PRICKLE2: variants seen among roughly 807,000 people sequenced by gnomAD.
PRICKLE2 encodes the protein prickle-like protein 2.
A neutral mutation model predicts 81.4 loss-of-function variants in PRICKLE2; 21 were observed. The ratio of observed to expected loss-of-function variants is 0.26; its 90% CI spans 0.18 to 0.37. PRICKLE2 has a LOEUF of 0.37. Among genes scored for constraint, PRICKLE2 ranks in the 10% least tolerant of loss-of-function variants. The pLI is 1.00. For missense variants in PRICKLE2, 940 were observed against 1,109.0 expected, an observed-to-expected ratio of 0.85 and a Z score of 2.16; for synonymous variants, 456 against 421.5, an observed-to-expected ratio of 1.08 and a Z score of -1.00.
At chr3:64,171,074 T>G (rs923528885) in intron 2 of PRICKLE2, among the ~76,000 whole-genome samples, 1 of 152,180 alleles carries the variant, frequency 6.6e-6, no homozygotes, top group Non-Finnish European at 1.5e-5. Context: ...AATGACCTCC[T>G]TGCTGTTCCT....
In PRICKLE2 at chr3:64,152,745, G is replaced by A. The variant is rs138404201; in HGVS notation, c.787+437C>T. 1.4e-4 allele frequency among the ~76,000 whole-genome samples: 22 copies of A among 152,250 alleles called. No homozygotes were observed. The East Asian group carries it at 4.3e-3, about 29-fold the overall frequency. On this transcript the variant is annotated intron_variant, in intron 6 of 7. Transcript: ENST00000638394. ...TGAGCCTCGGTTGTGGGACTGTATG[G>A]CACATAGTCCCCACTTGGAGGTGGG...
At chr3:64,182,362 C>T (rs750757174) in intron 2 of PRICKLE2, among the ~76,000 whole-genome samples, 12 of 151,934 alleles carry the variant, frequency 7.9e-5, no homozygotes, top group Non-Finnish European at 1.6e-4. Flanking sequence ...TTGTGCGCAT[C>T]TACAGTCCCA....
intron 2 of PRICKLE2, among the ~76,000 whole-genome samples, chr3:64,190,554 T>A (rs912912789): frequency 6.6e-6 from 1 of 152,236 alleles, no homozygotes; most frequent in Non-Finnish European, 1.5e-5. Context: ...ATAGTAGGTA[T>A]AAAATAAATA....
chr3:64,258,845 A>AGAAAG (rs1553663503), intron 2 of PRICKLE2, among the ~76,000 whole-genome samples: 35 of 33,982 alleles, frequency 1.0e-3, no homozygotes, highest in African/African-American at 3.0e-3. Context: ...AAAAAAAAAA[A>AGAAAG]AAAGAAAGAA....
intron 3 of PRICKLE2, among the ~76,000 whole-genome samples, chr3:64,161,656 C>T (rs1008022840): frequency 6.9e-5 from 10 of 145,638 alleles, no homozygotes; most frequent in African/African-American, 2.6e-4. Flanking sequence ...ACCATAAACA[C>T]AACAAACCAC....
chr3:64,152,951 G>A (rs1014021970), intron 6 of PRICKLE2, among the ~76,000 whole-genome samples: 1 of 152,166 alleles, frequency 6.6e-6, no homozygotes, highest in Non-Finnish European at 1.5e-5. Context: ...GGCAAATTAA[G>A]CTGAGATACA....
In PRICKLE2 at chr3:64,148,204, T is replaced by C. The variant is rs114196721; in HGVS notation, c.788-502A>G. ...ACCCAGGAAGTCTTATTCTCAACCATGACATTGACACTATCTCCTTCACTC... is the reference window on the plus strand; with the variant it reads ...ACCCAGGAAGTCTTATTCTCAACCACGACATTGACACTATCTCCTTCACTC... On this transcript the variant is annotated intron_variant, in intron 6 of 7. Coordinates refer to ENST00000638394, the MANE Select transcript of PRICKLE2 (RefSeq NM_198859.4). 3.8e-3 allele frequency among the ~76,000 whole-genome samples: 575 copies of C among 152,294 alleles called. 2 individuals carry two copies. Among genetic ancestry groups the C allele is most frequent in the African/African-American group, 0.013 (550 of 41,566 alleles).
At chr3:64,180,357 A>G (rs1025903798) in intron 2 of PRICKLE2, among the ~76,000 whole-genome samples, 8 of 152,234 alleles carry the variant, frequency 5.3e-5, no homozygotes, top group Admixed American at 4.6e-4. Flanking sequence ...ACCACTTTTC[A>G]GCAGCATTAA....
intron 7 of PRICKLE2, among the ~76,000 whole-genome samples, chr3:64,104,977 G>A (rs58501490): frequency 0.024 from 3,595 of 152,184 alleles, 140 homozygotes; most frequent in African/African-American, 0.081. Flanking sequence ...GAATCCTTAC[G>A]CAGACCTTAA....
chr3:64,110,418 C>T (rs1166888381), intron 7 of PRICKLE2, among the ~76,000 whole-genome samples: 1 of 152,176 alleles, frequency 6.6e-6, no homozygotes, highest in African/African-American at 2.4e-5. Flanking sequence ...GGGAGCACAA[C>T]TGTGAACAAG....
chr3:64,110,562 A>G (rs2076826916), intron 7 of PRICKLE2, among the ~76,000 whole-genome samples: 1 of 152,212 alleles, frequency 6.6e-6, no homozygotes, highest in South Asian at 2.1e-4. Context: ...GGCAGAGAAT[A>G]AAGACTGGAC....
chr3:64,150,228 G>C (rs1251024573), intron 6 of PRICKLE2, among the ~76,000 whole-genome samples: 1 of 152,026 alleles, frequency 6.6e-6, no homozygotes, highest in Non-Finnish European at 1.5e-5. Context: ...CACAGCAGCT[G>C]GTTGTAAAGA....
At chr3:64,132,510 G>A (rs1243205897) in intron 7 of PRICKLE2, among the ~76,000 whole-genome samples, 3 of 152,112 alleles carry the variant, frequency 2.0e-5, no homozygotes, top group African/African-American at 7.2e-5. Flanking sequence ...TTCCTGCTGG[G>A]GCCTGACCCA....
rs557531554 is a variant in PRICKLE2, at chr3:64,162,838, T to C, written c.258+178A>G. On this transcript the variant is annotated intron_variant, in intron 3 of 7. Transcript: ENST00000638394. ...TAATGAGATTCTGCTTTTTTAGTAA[T>C]ACTCTCTAGAAGTAAATTGTTGGCC... Among the ~76,000 whole-genome samples the C allele has an allele frequency of 2.6e-5, 4 of 152,352 alleles. No individual in the cohort carries two copies. In the South Asian group the frequency reaches 8.3e-4, roughly 32 times the overall value.
At chr3:64,207,932 CAGG>C (rs138687805) in intron 1 of PRICKLE2, among the ~76,000 whole-genome samples, 6,789 of 152,274 alleles carry the variant, frequency 0.045, 205 homozygotes, top group Non-Finnish European at 0.063. Context: ...AAGGCTGACG[CAGG>C]AGGAGCTGGG....
At chr3:64,124,518 A>T (rs1311570756) in intron 7 of PRICKLE2, among the ~76,000 whole-genome samples, 1 of 152,200 alleles carries the variant, frequency 6.6e-6, no homozygotes, top group East Asian at 1.9e-4. Flanking sequence ...CCTGACCTCA[A>T]AGCTTCAAAG....
Position 64,093,253 on chromosome 3 carries a change from G to C in PRICKLE2, c.*5798C>G, listed in dbSNP as rs1029653078. The C allele has an allele frequency of 6.6e-6, 1 of 152,560 alleles. No homozygotes were observed. The highest frequency in any genetic ancestry group is 2.1e-4 in the South Asian group (1 of 4,838). 9.5% of individuals were successfully genotyped at this position (152,560 alleles called of 1,614,324 possible). On this transcript the variant is annotated 3_prime_UTR_variant, in exon 8 of 8. Coordinates refer to ENST00000638394, the MANE Select transcript of PRICKLE2 (RefSeq NM_198859.4). ...CCATTGTATGTATACACCACACCTT[G>C]TTTACACATTCATCCATCAGTGGAC...
chr3:64,193,402 G>A (rs566719326), intron 2 of PRICKLE2, among the ~76,000 whole-genome samples: 67 of 152,172 alleles, frequency 4.4e-4, no homozygotes, highest in Non-Finnish European at 7.2e-4. Flanking sequence ...ATTTCCAAAT[G>A]CCCTCTAGAG....
At chr3:64,120,689 T>C (rs1252084233) in intron 7 of PRICKLE2, among the ~76,000 whole-genome samples, 1 of 152,146 alleles carries the variant, frequency 6.6e-6, no homozygotes, top group Admixed American at 6.5e-5. Flanking sequence ...TTCCTTTATC[T>C]CATGAGTGTG....
Sources: gnomAD v4.1 joint callset for allele counts (sites outside exome capture counted in the v4.1 genomes callset) on GRCh38, gnomAD v4.1.1 for gene constraint, MANE v1.5 for transcripts, NCBI Gene and HGNC (gene_info 2026-07-23, HGNC 2026-07-21) for gene names.